EMSY: variants seen among roughly 807,000 people sequenced by gnomAD.
EMSY encodes EMSY transcriptional repressor, BRCA2 interacting, also known as BRCA2-interacting transcriptional repressor EMSY.
In EMSY, 26 loss-of-function variants were observed where a neutral mutation model predicts 134.6. The ratio of observed to expected loss-of-function variants is 0.19; its 90% CI spans 0.14 to 0.27. The LOEUF is 0.27. Among genes scored for constraint, EMSY ranks in the 10% least tolerant of loss-of-function variants. The pLI is 1.00. For missense variants in EMSY, 1,305 were observed against 1,611.4 expected, an observed-to-expected ratio of 0.81 and a Z score of 3.26; for synonymous variants, 579 against 577.8, an observed-to-expected ratio of 1.00 and a Z score of -0.03.
At chr11:76,552,024 T>C (rs1053952593), downstream of EMSY, 3 of 152,212 alleles carry the variant, frequency 2.0e-5, no homozygotes, top group African/African-American at 7.2e-5. Context: ...TTAGCCTTCA[T>C]ATGTTTCTGC....
At chr11:76,475,156 G>C (rs1200983297) in intron 8 of EMSY, among the ~76,000 whole-genome samples, 1 of 152,166 alleles carries the variant, frequency 6.6e-6, no homozygotes, top group African/African-American at 2.4e-5. Flanking sequence ...TGAAGGTTGA[G>C]AGAAGGAAAG....
chr11:76,527,756 G>GA (rs1950894827), intron 13 of EMSY, among the ~76,000 whole-genome samples: 2 of 149,312 alleles, frequency 1.3e-5, no homozygotes, highest in South Asian at 4.3e-4. Context: ...TGTCAATTAG[G>GA]AATTTGATTT....
At chr11:76,498,925 A>G (rs1430542245) in intron 9 of EMSY, among the ~76,000 whole-genome samples, 1 of 152,228 alleles carries the variant, frequency 6.6e-6, no homozygotes, top group African/African-American at 2.4e-5. Flanking sequence ...TAGACAGCAT[A>G]CAGTGTAGTT....
At chr11:76,464,157 G>C in intron 7 of EMSY, 77 bp downstream of exon 8, 3 of 1,503,886 alleles carry the variant, frequency 2.0e-6, no homozygotes, top group Non-Finnish European at 2.7e-6. Context: ...AACATGCACT[G>C]AGTGCTTACT....
chr11:76,470,428 G>C (rs955878965), intron 7 of EMSY, among the ~76,000 whole-genome samples: 4 of 152,104 alleles, frequency 2.6e-5, no homozygotes, highest in African/African-American at 9.7e-5. Context: ...ATTGTTAGGA[G>C]ATTTAAATAA....
At chr11:76,478,819 TATA>T (rs1255508434) in intron 8 of EMSY, among the ~76,000 whole-genome samples, 1 of 150,232 alleles carries the variant, frequency 6.7e-6, no homozygotes, top group Non-Finnish European at 1.5e-5. Flanking sequence ...ATATATAATG[TATA>T]ATAATTTATT....
intron 14 of EMSY, among the ~76,000 whole-genome samples, chr11:76,530,539 A>G (rs1951003229): frequency 6.6e-6 from 1 of 152,232 alleles, no homozygotes; most frequent in Non-Finnish European, 1.5e-5. Flanking sequence ...GTGCAAAAGC[A>G]GTTGCCATTA....
chr11:76,496,123 A>T, intron 8 of EMSY, 92 bp from the exon 10 acceptor site: 1 of 1,369,248 alleles, frequency 7.3e-7, no homozygotes, highest in East Asian at 2.3e-5. Context: ...TGATTTCCCT[A>T]TTCTTTAAAC....
At chr11:76,524,466 A>G (rs929705297) in intron 12 of EMSY, among the ~76,000 whole-genome samples, 12 of 152,182 alleles carry the variant, frequency 7.9e-5, no homozygotes, top group African/African-American at 2.9e-4. Context: ...GATTTTTTCA[A>G]TGTGTGGGAA....
intron 14 of EMSY, among the ~76,000 whole-genome samples, chr11:76,530,541 T>G (rs1443167575): frequency 6.6e-6 from 1 of 152,210 alleles, no homozygotes; most frequent in African/African-American, 2.4e-5. Context: ...GCAAAAGCAG[T>G]TGCCATTACT....
chr11:76,506,750 C>G (rs148493698), intron 9 of EMSY, among the ~76,000 whole-genome samples: 1 of 152,128 alleles, frequency 6.6e-6, no homozygotes, highest in African/African-American at 2.4e-5. Flanking sequence ...AGCTGGGACT[C>G]GTACATTACT....
At chr11:76,488,965 CT>C (rs1387883272) in intron 8 of EMSY, among the ~76,000 whole-genome samples, 2 of 152,186 alleles carry the variant, frequency 1.3e-5, no homozygotes, top group African/African-American at 4.8e-5. Flanking sequence ...TGAGATTCTC[CT>C]TATATTATGC....
At chr11:76,471,763 G>T (rs1025277367) in intron 7 of EMSY, among the ~76,000 whole-genome samples, 11 of 152,066 alleles carry the variant, frequency 7.2e-5, no homozygotes, top group Non-Finnish European at 1.3e-4. Flanking sequence ...CTCTTACATG[G>T]TTTAGTCCTT....
chr11:76,470,108 C>T (rs1423081161), intron 7 of EMSY, among the ~76,000 whole-genome samples: 6 of 152,022 alleles, frequency 3.9e-5, no homozygotes, highest in East Asian at 1.9e-4. Flanking sequence ...TGTTATGGTC[C>T]GAGCTTCTTT....
At chr11:76,488,260 G>A (rs1229620824) in intron 8 of EMSY, among the ~76,000 whole-genome samples, 1 of 152,214 alleles carries the variant, frequency 6.6e-6, no homozygotes, top group Non-Finnish European at 1.5e-5. Flanking sequence ...GAAGCTAGGA[G>A]TTCAACATCA....
At chr11:76,509,595 T>C (rs566826602) in intron 9 of EMSY, among the ~76,000 whole-genome samples, 2 of 152,348 alleles carry the variant, frequency 1.3e-5, no homozygotes, top group African/African-American at 4.8e-5. Context: ...CCTGTATCAC[T>C]GTAGAATGAA....
At chr11:76,498,590 T>A (rs952324519) in intron 9 of EMSY, among the ~76,000 whole-genome samples, 2 of 151,516 alleles carry the variant, frequency 1.3e-5, no homozygotes, top group African/African-American at 4.8e-5. Context: ...GTTCCTTTTT[T>A]TCTGCAATTA....
intron 13 of EMSY, among the ~76,000 whole-genome samples, chr11:76,527,686 A>G (rs887430757): frequency 6.6e-6 from 1 of 151,998 alleles, no homozygotes; most frequent in Non-Finnish European, 1.5e-5. Context: ...TTGTCAAATC[A>G]ATATTCATCT....
chr11:76,460,008 C>G (rs763722061), exon 6 of EMSY: 1 of 1,614,126 alleles, frequency 6.2e-7, no homozygotes, highest in African/African-American at 1.3e-5. Context: ...AGCATAGCAA[C>G]GGTTAAGTCT....
Sources: gnomAD v4.1 joint callset for allele counts (sites outside exome capture counted in the v4.1 genomes callset) on GRCh38, gnomAD v4.1.1 for gene constraint, MANE v1.5 for transcripts, NCBI Gene and HGNC (gene_info 2026-07-23, HGNC 2026-07-21) for gene names.